PRPF6: variants seen among roughly 807,000 people sequenced by gnomAD.
PRPF6 encodes the protein pre-mRNA-processing factor 6.
PRPF6 carries 42 observed loss-of-function variants against 118.3 expected under a neutral mutation model. That is an observed-to-expected ratio of 0.35 (90% CI 0.28 to 0.46). PRPF6 has a LOEUF of 0.46. PRPF6 is among the 20% of genes least tolerant of loss of function. The probability of loss-of-function intolerance (pLI) is 1.00; values close to 1 mark genes in which losing one functional copy is unlikely to be tolerated. For missense variants in PRPF6, 662 were observed against 1,255.7 expected (o/e 0.53, Z 7.15); for synonymous variants, 481 against 485.1 (o/e 0.99, Z 0.11).
rs2059300477 is a variant in PRPF6, at chr20:64,028,245, T to C, written c.2340-233T>C. Among the ~76,000 whole-genome samples the C allele has an allele frequency of 6.6e-6, 1 of 152,230 alleles. No individual in the cohort carries two copies. Among genetic ancestry groups the C allele is most frequent in the East Asian group, 1.9e-4 (1 of 5,190 alleles). On this transcript the variant is annotated intron_variant, in intron 17 of 20. Coordinates refer to ENST00000266079, the MANE Select transcript of PRPF6 (RefSeq NM_012469.4). This position sits in a 1 kb window ranked among gnomAD's most constrained non-coding sequence, Gnocchi z 6.5. ...TTTGTTCTGGATGCCTTCACCTGCA[T>C]CTGGACAGCGTCAGGATCTGAGGTC...
chr20:64,001,294 C>A, intron 9 of PRPF6, 55 bp downstream of exon 9: 1 of 1,589,034 alleles, frequency 6.3e-7, no homozygotes, highest in Non-Finnish European at 8.6e-7. Flanking sequence ...CTCCTCTCAG[C>A]AGCTTTCCTG....
rs763647945 is a variant in PRPF6, at chr20:64,025,908, C to T, written c.1909-31C>T. 1.1e-5 allele frequency: 17 copies of T among 1,613,306 alleles called. No homozygotes were observed. In the African/African-American group the frequency reaches 1.5e-4, roughly 14 times the overall value. On this transcript the variant is annotated intron_variant, in intron 14 of 20. Coordinates refer to ENST00000266079, the MANE Select transcript of PRPF6 (RefSeq NM_012469.4). ...CAGGCGCTGGTCCCTGTGTTCTGAC[C>T]CCTCTTGACGCTGCTGTACTTGCCC... is the stretch of plus-strand genomic sequence containing the variant.
intron 6 of PRPF6, among the ~76,000 whole-genome samples, chr20:63,998,405 T>G (rs1361169252): frequency 1.3e-5 from 2 of 151,542 alleles, no homozygotes; most frequent in African/African-American, 4.8e-5. Context: ...AAATTACACT[T>G]TTTTTTGTAG....
chr20:63,995,133 T>C (rs1006974841), intron 5 of PRPF6, 41 bp downstream of exon 5: 1 of 1,612,988 alleles, frequency 6.2e-7, no homozygotes. Context: ...CATTTAGTCC[T>C]GTTAGATCAG....
rs762147974 is a variant in PRPF6, at chr20:64,028,319, C to A, written c.2340-159C>A. 1.3e-5 allele frequency among the ~76,000 whole-genome samples: 2 copies of A among 152,166 alleles called. No homozygotes were observed. Among genetic ancestry groups the A allele is most frequent in the Non-Finnish European group, 2.9e-5 (2 of 68,020 alleles). ...GGGCTGGCAGGGATGTGGGCCCCAG[C>A]GCCTTGTTTCTGTGGTGGATGAGCT... On this transcript the variant is annotated intron_variant, in intron 17 of 20. Coordinates refer to ENST00000266079, the MANE Select transcript of PRPF6 (RefSeq NM_012469.4). The surrounding 1 kb of genome is among the most constrained non-coding windows in gnomAD (Gnocchi z 6.5).
chr20:63,987,169 CAAAAAAAAAAA>C (rs61702884), intron 3 of PRPF6, among the ~76,000 whole-genome samples: 5 of 52,452 alleles, frequency 9.5e-5, no homozygotes, highest in African/African-American at 3.4e-4. Flanking sequence ...GACCCTGTCT[CAAAAAAAAAAA>C]AAAAAAAAAG....
In PRPF6 at chr20:64,029,252, C is replaced by T. The variant is rs2059304396; in HGVS notation, c.2432-125C>T. 7 of 820,446 alleles carry T rather than the reference C, an allele frequency of 8.5e-6. No homozygotes were observed. The highest frequency in any genetic ancestry group is 6.9e-5 in the South Asian group (5 of 72,594). 50.8% of individuals were successfully genotyped at this position (820,446 alleles called of 1,614,324 possible). A position where few individuals can be genotyped will look rare whatever the true frequency, so the allele number is the denominator to read the frequency against. On this transcript the variant is annotated intron_variant, in intron 18 of 20. Transcript: ENST00000266079. The surrounding 1 kb of genome is among the most constrained non-coding windows in gnomAD (Gnocchi z 4.8). ...TGTGGTTCTCCTTGCACAAGTTCTG[C>T]GAGCCGTGTGTGGGAGGCCCCTGTC...
intron 11 of PRPF6, among the ~76,000 whole-genome samples, chr20:64,014,840 T>C (rs138037283): frequency 6.6e-6 from 1 of 152,076 alleles, no homozygotes; most frequent in Non-Finnish European, 1.5e-5. Flanking sequence ...AATGCTACGA[T>C]GAAAGTGAAA....
At chr20:64,009,498 G>A (rs1287713250) in intron 9 of PRPF6, among the ~76,000 whole-genome samples, 4 of 152,086 alleles carry the variant, frequency 2.6e-5, no homozygotes, top group Admixed American at 1.3e-4. Context: ...CGAAGCGGGC[G>A]GATCACTTGA....
intron 12 of PRPF6, among the ~76,000 whole-genome samples, chr20:64,017,327 G>A (rs868635638): frequency 1.3e-5 from 2 of 148,918 alleles, no homozygotes; most frequent in African/African-American, 5.1e-5. Flanking sequence ...CACCGCGCCC[G>A]GCCTCCCAGA....
chr20:63,987,191 G>C lies in PRPF6; in HGVS notation c.359+2166G>C, dbSNP rs866557276. On this transcript the variant is annotated intron_variant, in intron 3 of 20. Transcript: ENST00000266079. ...TCTCAAAAAAAAAAAAAAAAAAAAG[G>C]GGGGGGGAGCATAACACAATAAAAG... Among the ~76,000 whole-genome samples the C allele has an allele frequency of 6.5e-3, 921 of 142,112 alleles. 13 individuals carry two copies. The highest frequency in any genetic ancestry group is 0.023 in the African/African-American group (828 of 36,466). The allele number at this position is 142,112 out of a possible 152,430, so 93.2% of individuals were successfully genotyped here. A position where few individuals can be genotyped will look rare whatever the true frequency, so the allele number is the denominator to read the frequency against.
In PRPF6 at chr20:63,983,227, C is replaced by A. The variant is rs2059078895; in HGVS notation, c.240+12C>A. 6.2e-7 allele frequency: 1 copy of A among 1,614,156 alleles called. No homozygotes were observed. The highest frequency in any genetic ancestry group is 8.5e-7 in the Non-Finnish European group (1 of 1,180,044). ...CCAATTACGATGAGGTGAGATGTGT[C>A]CGGCTTTCGTGGCTCCTCCAGCCAG... On this transcript the variant is annotated intron_variant, in intron 2 of 20. Transcript: ENST00000266079.
intron 4 of PRPF6, among the ~76,000 whole-genome samples, chr20:63,994,340 A>G (rs1249209242): frequency 1.3e-5 from 2 of 151,850 alleles, no homozygotes; most frequent in African/African-American, 4.8e-5. Context: ...TATTTTTAGT[A>G]GAGATGGGGT....
chr20:64,000,534 G>A (rs769812932), intron 8 of PRPF6, among the ~76,000 whole-genome samples: 7 of 149,904 alleles, frequency 4.7e-5, no homozygotes, highest in Non-Finnish European at 1.0e-4. Flanking sequence ...GAGTTGTCCT[G>A]AAGGAAATCA....
chr20:64,020,597 T>G (rs78512317), intron 12 of PRPF6, among the ~76,000 whole-genome samples: 1,980 of 152,180 alleles, frequency 0.013, 53 homozygotes, highest in African/African-American at 0.046. Context: ...TTGTTTTCTT[T>G]TGTTGTTGAT....
chr20:64,017,760 T>C (rs2059245949), intron 12 of PRPF6, among the ~76,000 whole-genome samples: 2 of 152,242 alleles, frequency 1.3e-5, no homozygotes, highest in Admixed American at 1.3e-4. Context: ...TGACAATGAA[T>C]GAGTTGCAGA....
chr20:63,990,184 C>T (rs1391726365), intron 3 of PRPF6, among the ~76,000 whole-genome samples: 2 of 152,146 alleles, frequency 1.3e-5, no homozygotes, highest in African/African-American at 4.8e-5. Flanking sequence ...CCAGATCTTA[C>T]GTGATGTAAA....
At chr20:63,994,158 C>CTTTTT (rs1158030989) in intron 4 of PRPF6, among the ~76,000 whole-genome samples, 1 of 138,382 alleles carries the variant, frequency 7.2e-6, no homozygotes, top group African/African-American at 2.6e-5. Context: ...TTTTCTTTTT[C>CTTTTT]TTTTTTTTTT....
intron 3 of PRPF6, among the ~76,000 whole-genome samples, chr20:63,986,380 C>CCAAGTGG (rs1398627669): frequency 2.0e-5 from 3 of 150,682 alleles, no homozygotes; most frequent in Non-Finnish European, 4.4e-5. Flanking sequence ...TTCATCATGA[C>CCAAGTGG]CAAGTGGCAT....
Sources: allele counts gnomAD v4.1 joint callset (sites outside exome capture counted in the v4.1 genomes callset), GRCh38; gene constraint gnomAD v4.1.1; non-coding constraint Gnocchi (gnomAD v3.1); transcripts MANE v1.5; gene names NCBI Gene and HGNC (gene_info 2026-07-23, HGNC 2026-07-21).